The following ZNF423 variants were observed in gnomAD, a reference collection of about 807,000 sequenced individuals.
The protein encoded by ZNF423 is zinc finger protein 423, also known as Ebf-associated zinc finger protein.
ZNF423 carries 12 observed loss-of-function variants against 95.8 expected under a neutral mutation model. That is an observed-to-expected ratio of 0.13 (90% CI 0.08 to 0.20). The LOEUF is 0.20. ZNF423 is among the 10% of genes least tolerant of loss of function. The pLI is 1.00. For missense variants in ZNF423, 1,316 were observed against 1,737.1 expected, an observed-to-expected ratio of 0.76 and a Z score of 4.31; for synonymous variants, 749 against 711.9, an observed-to-expected ratio of 1.05 and a Z score of -0.83.
intron 2 of ZNF423, among the ~76,000 whole-genome samples, chr16:49,764,274 G>T (rs2033886237): frequency 6.6e-6 from 1 of 152,050 alleles, no homozygotes; most frequent in Non-Finnish European, 1.5e-5. Flanking sequence ...TGCTGCACTG[G>T]GTCCCACTCA....
chr16:49,804,199 T>A (rs1198656096), intron 1 of ZNF423, among the ~76,000 whole-genome samples: 1 of 152,126 alleles, frequency 6.6e-6, no homozygotes, highest in Non-Finnish European at 1.5e-5. Flanking sequence ...CCTCCCAAAG[T>A]GCTGGGATTA....
At chr16:49,799,123 A>G (rs1292461427) in intron 1 of ZNF423, among the ~76,000 whole-genome samples, 2 of 152,138 alleles carry the variant, frequency 1.3e-5, no homozygotes, top group East Asian at 3.9e-4. Context: ...CTTGCAGGCC[A>G]TCAGATCTCA....
At chr16:49,818,174 C>G (rs35201064) in intron 1 of ZNF423, among the ~76,000 whole-genome samples, 17,023 of 152,116 alleles carry the variant, frequency 0.11, 1,251 homozygotes, top group South Asian at 0.21. Context: ...CACCGCCCCC[C>G]AGAATGGATC....
chr16:49,507,230 T>G (rs994016086), intron 7 of ZNF423, among the ~76,000 whole-genome samples: 6 of 152,202 alleles, frequency 3.9e-5, no homozygotes, highest in Non-Finnish European at 4.4e-5. Flanking sequence ...TATGGACACT[T>G]AATAGGGTCA....
At chr16:49,858,449 G>C (rs2035395343), upstream of ZNF423, among the ~76,000 whole-genome samples, 1 of 150,426 alleles carries the variant, frequency 6.6e-6, no homozygotes, top group African/African-American at 2.5e-5. The surrounding 1 kb of genome is among the most constrained non-coding windows in gnomAD (Gnocchi z 4.3). Context: ...CTGAGGCAGG[G>C]GGGCCAGGCG....
chr16:49,679,901 C>T (rs912305871), intron 3 of ZNF423, among the ~76,000 whole-genome samples: 4 of 152,218 alleles, frequency 2.6e-5, no homozygotes, highest in African/African-American at 7.2e-5. Flanking sequence ...CTTCTGAAGC[C>T]CATTACACCA....
At chr16:49,573,366 T>C (rs1464784640) in intron 5 of ZNF423, among the ~76,000 whole-genome samples, 1 of 152,196 alleles carries the variant, frequency 6.6e-6, no homozygotes, top group East Asian at 1.9e-4. Context: ...CCCAGCTCCA[T>C]TGTCTTACTC....
intron 1 of ZNF423, among the ~76,000 whole-genome samples, chr16:49,793,187 A>G (rs2034443601): frequency 6.9e-6 from 1 of 144,632 alleles, no homozygotes; most frequent in Admixed American, 7.0e-5. Context: ...TCTTCTGTCC[A>G]GACTGGATCT....
intron 5 of ZNF423, among the ~76,000 whole-genome samples, chr16:49,557,779 C>G (rs1442493569): frequency 6.6e-6 from 1 of 152,202 alleles, no homozygotes; most frequent in African/African-American, 2.4e-5. Flanking sequence ...ACAGGATGAG[C>G]ACGCAGGAGG....
chr16:49,681,452 A>G (rs1335301448), intron 3 of ZNF423, among the ~76,000 whole-genome samples: 4 of 152,264 alleles, frequency 2.6e-5, no homozygotes, highest in Non-Finnish European at 5.9e-5. Context: ...TCACGCTGCC[A>G]AGTTCACATC....
intron 2 of ZNF423, among the ~76,000 whole-genome samples, chr16:49,779,520 T>A (rs764950099): frequency 5.9e-5 from 9 of 152,040 alleles, no homozygotes; most frequent in Non-Finnish European, 7.4e-5. Flanking sequence ...TGCACACATG[T>A]TCAAGTTTGA....
rs1269999042 is a variant in ZNF423 at position 49,636,691 on chromosome 16, G to A, written c.2485C>T (p.Leu829=). The part of the protein sequence containing the change: ...FCSKAFHAII[L]LEKHLREKHC... ...TTCTCCCGCAGGTGCTTCTCCAGCA[G>A]GATGATGGCGTGGAAGGCCTTGCTG... Residue 829 remains leucine (L), a synonymous_variant, in exon 4 of 8, where the codon CTG becomes TTG. Transcript: ENST00000563137. The surrounding 1 kb of genome is among the most constrained non-coding windows in gnomAD (Gnocchi z 8.6). 1.9e-6 allele frequency: 3 copies of A among 1,613,968 alleles called. No individual in the cohort carries two copies. In the African/African-American group the frequency reaches 4.0e-5, roughly 22 times the overall value.
intron 3 of ZNF423, among the ~76,000 whole-genome samples, chr16:49,697,935 G>A (rs574944181): frequency 1.2e-3 from 177 of 152,298 alleles, no homozygotes; most frequent in African/African-American, 4.0e-3. Flanking sequence ...GGGGAGAGGC[G>A]GGCACATCTG....
chr16:49,694,112 T>C (rs374813040), intron 3 of ZNF423, among the ~76,000 whole-genome samples: 19 of 152,310 alleles, frequency 1.2e-4, no homozygotes, highest in Admixed American at 1.0e-3. Context: ...GCCGTGATCA[T>C]TTCTATGGAC....
intron 2 of ZNF423, among the ~76,000 whole-genome samples, chr16:49,742,144 A>T (rs2033426658): frequency 6.6e-6 from 1 of 152,204 alleles, no homozygotes; most frequent in African/African-American, 2.4e-5. Context: ...GGTCACAAGG[A>T]CCTTGTTTTT....
intron 2 of ZNF423, 35 bp from the exon 3 acceptor site, chr16:49,731,006 A>C: frequency 6.2e-6 from 10 of 1,607,718 alleles, no homozygotes; most frequent in Non-Finnish European, 8.5e-6. Context: ...ATGTCAGCTG[A>C]TGGGGTCTTG....
chr16:49,593,593 C>A (rs1971087064), intron 5 of ZNF423, among the ~76,000 whole-genome samples: 1 of 151,910 alleles, frequency 6.6e-6, no homozygotes, highest in Non-Finnish European at 1.5e-5. Context: ...AGGTCAACTT[C>A]CAAACTCTAC....
In ZNF423 at chr16:49,827,983, A is replaced by T. The variant is rs188464632; in HGVS notation, c.40+27752T>A. ...TTTTACACACTTTCTTAGTGACCCT[A>T]GTATGAACTGCTAAAAGAACTTCCT... On this transcript the variant is annotated intron_variant, in intron 1 of 7. Transcript: ENST00000563137. Among the ~76,000 whole-genome samples, 50 of 152,312 alleles carry T rather than the reference A, an allele frequency of 3.3e-4. 1 individual carries two copies. The highest frequency in any genetic ancestry group is 1.1e-3 in the African/African-American group (47 of 41,578).
At chr16:49,766,621 C>T (rs973159354) in intron 2 of ZNF423, among the ~76,000 whole-genome samples, 5 of 152,238 alleles carry the variant, frequency 3.3e-5, no homozygotes. Context: ...CAAAACACTA[C>T]AGGCCTGAGC....
Sources: allele counts gnomAD v4.1 joint callset (sites outside exome capture counted in the v4.1 genomes callset), GRCh38; gene constraint gnomAD v4.1.1; non-coding constraint Gnocchi (gnomAD v3.1); transcripts MANE v1.5; gene names NCBI Gene and HGNC (gene_info 2026-07-23, HGNC 2026-07-21).